Variants in CDH12 observed in about 807,000 individuals in gnomAD.
CDH12 encodes cadherin 12.
A neutral mutation model predicts 74.1 loss-of-function variants in CDH12; 41 were observed. The ratio of observed to expected loss-of-function variants is 0.55; its 90% CI spans 0.43 to 0.72. The LOEUF (loss-of-function observed/expected upper bound fraction) is 0.72. CDH12 is among the 30% of genes least tolerant of loss of function. CDH12 has a pLI of 0.00. For synonymous variants in CDH12, 399 were observed against 355.0 expected (o/e 1.12, Z -1.39); for missense variants, 945 against 977.2 (o/e 0.97, Z 0.44).
chr5:22,067,372 G>T (rs1330033965), intron 5 of CDH12, among the ~76,000 whole-genome samples: 1 of 152,174 alleles, frequency 6.6e-6, no homozygotes, highest in Non-Finnish European at 1.5e-5. Context: ...GTTGCATGTG[G>T]TCCCTCCTAC....
chr5:22,249,994 C>G (rs1357111408), intron 3 of CDH12, among the ~76,000 whole-genome samples: 1 of 151,616 alleles, frequency 6.6e-6, no homozygotes, highest in Non-Finnish European at 1.5e-5. Flanking sequence ...ACAAATTGAG[C>G]CTTAAACAAA....
intron 1 of CDH12, among the ~76,000 whole-genome samples, chr5:22,515,162 T>A (rs1167178786): frequency 6.6e-6 from 1 of 152,136 alleles, no homozygotes; most frequent in East Asian, 1.9e-4. Flanking sequence ...AGTGATGCAA[T>A]TGTAAAACTT....
intron 3 of CDH12, among the ~76,000 whole-genome samples, chr5:22,353,431 G>A (rs1043747554): frequency 5.9e-5 from 9 of 151,936 alleles, no homozygotes; most frequent in African/African-American, 1.5e-4. Flanking sequence ...ATTAATACAC[G>A]ATCTTATAAA....
intron 1 of CDH12, among the ~76,000 whole-genome samples, chr5:22,538,803 G>A (rs1233105590): frequency 6.6e-6 from 1 of 152,130 alleles, no homozygotes; most frequent in African/African-American, 2.4e-5. Context: ...GAGTGGCCTT[G>A]GTCAAGGTAC....
chr5:22,340,525 C>CAA (rs35157556), intron 3 of CDH12, among the ~76,000 whole-genome samples: 10,853 of 130,406 alleles, frequency 0.083, 462 homozygotes, highest in South Asian at 0.17. Flanking sequence ...GACTCCGTCT[C>CAA]AAAAAAAAAA....
intron 4 of CDH12, among the ~76,000 whole-genome samples, chr5:22,209,699 T>G (rs1185570626): frequency 1.3e-5 from 2 of 151,226 alleles, no homozygotes; most frequent in Non-Finnish European, 2.9e-5. Flanking sequence ...ACAAAGTACA[T>G]GCTGGTTTCC....
intron 3 of CDH12, among the ~76,000 whole-genome samples, chr5:22,226,538 A>G (rs1463927828): frequency 6.6e-6 from 1 of 152,014 alleles, no homozygotes; most frequent in Non-Finnish European, 1.5e-5. Context: ...TAACCCTAGA[A>G]GCTTAATTCT....
intron 1 of CDH12, among the ~76,000 whole-genome samples, chr5:22,699,343 A>G (rs539681820): frequency 6.6e-6 from 1 of 151,438 alleles, no homozygotes; most frequent in South Asian, 2.1e-4. Flanking sequence ...ATACCAATAC[A>G]TGTTTGTTAA....
intron 3 of CDH12, among the ~76,000 whole-genome samples, chr5:22,261,942 G>T (rs1753530886): frequency 2.0e-5 from 3 of 151,774 alleles, no homozygotes; most frequent in African/African-American, 7.3e-5. Context: ...CTATGTCAAG[G>T]CCCTATTTAG....
chr5:21,764,573 C>G (rs774033507), intron 12 of CDH12, among the ~76,000 whole-genome samples: 107 of 144,382 alleles, frequency 7.4e-4, no homozygotes, highest in Non-Finnish European at 1.3e-3. Flanking sequence ...CACTTGAACA[C>G]AGGAGGCAGA....
chr5:22,016,182 C>G (rs182269248), intron 5 of CDH12, among the ~76,000 whole-genome samples: 3 of 151,980 alleles, frequency 2.0e-5, no homozygotes, highest in African/African-American at 4.8e-5. Context: ...ATCATGATAG[C>G]TTCCTCAAAC....
intron 1 of CDH12, among the ~76,000 whole-genome samples, chr5:22,784,297 AAG>A: frequency 6.6e-6 from 1 of 152,084 alleles, no homozygotes; most frequent in South Asian, 2.1e-4. Context: ...CTTCTTTCTA[AAG>A]TTTAGTATTC....
At chr5:22,204,306 A>G (rs773459246) in intron 4 of CDH12, among the ~76,000 whole-genome samples, 2 of 151,794 alleles carry the variant, frequency 1.3e-5, no homozygotes, top group Non-Finnish European at 2.9e-5. Context: ...GACTACAGGC[A>G]CCCGTCACCA....
chr5:21,913,452 A>C (rs1210449818), intron 6 of CDH12, among the ~76,000 whole-genome samples: 1 of 152,172 alleles, frequency 6.6e-6, no homozygotes, highest in African/African-American at 2.4e-5. Flanking sequence ...AAGAGAGTTC[A>C]CATAATATGT....
At chr5:22,727,817 G>A (rs1744236633) in intron 1 of CDH12, among the ~76,000 whole-genome samples, 1 of 151,310 alleles carries the variant, frequency 6.6e-6, no homozygotes, top group African/African-American at 2.4e-5. Flanking sequence ...TCATCTTTCA[G>A]TTGTTCCCTT....
At chr5:22,458,858 G>A (rs1454560326) in intron 2 of CDH12, among the ~76,000 whole-genome samples, 2 of 151,918 alleles carry the variant, frequency 1.3e-5, no homozygotes, top group Admixed American at 1.3e-4. Context: ...TTTCAACTTA[G>A]AAAACTAAAT....
At chr5:22,578,037 A>T (rs1369449993) in intron 1 of CDH12, among the ~76,000 whole-genome samples, 1 of 152,160 alleles carries the variant, frequency 6.6e-6, no homozygotes, top group Non-Finnish European at 1.5e-5. Flanking sequence ...GTGGATGAAA[A>T]TATGTTGTTT....
chr5:22,186,467 T>C (rs1749954327), intron 4 of CDH12, among the ~76,000 whole-genome samples: 1 of 152,160 alleles, frequency 6.6e-6, no homozygotes, highest in Non-Finnish European at 1.5e-5. Context: ...AGGATTTGTG[T>C]TTGGTTTTTT....
intron 3 of CDH12, among the ~76,000 whole-genome samples, chr5:22,290,713 T>C (rs938635361): frequency 1.3e-5 from 2 of 152,002 alleles, no homozygotes; most frequent in African/African-American, 4.8e-5. Flanking sequence ...ACTATAGAAA[T>C]ACAAAGGATC....
Sources: allele counts gnomAD v4.1 joint callset (sites outside exome capture counted in the v4.1 genomes callset), GRCh38; gene constraint gnomAD v4.1.1; transcripts MANE v1.5; gene names NCBI Gene and HGNC (gene_info 2026-07-23, HGNC 2026-07-21).